POLR2E: variants seen among roughly 807,000 people sequenced by gnomAD.
POLR2E encodes DNA-directed RNA polymerases I, II, and III subunit RPABC1.
POLR2E carries 35 observed loss-of-function variants against 29.8 expected under a neutral mutation model. That is an observed-to-expected ratio of 1.17 (90% CI 0.90 to 1.55). The LOEUF (loss-of-function observed/expected upper bound fraction) is 1.55. Ranked by LOEUF, POLR2E falls within the 40% of genes most tolerant of loss-of-function variation. The pLI, the probability that POLR2E is intolerant of heterozygous loss-of-function variation, is 0.00. For synonymous variants in POLR2E, 174 were observed against 112.6 expected, an observed-to-expected ratio of 1.55 and a Z score of -3.45; for missense variants, 287 against 288.6, an observed-to-expected ratio of 0.99 and a Z score of 0.04.
At position 1,094,074 on chromosome 19, in the gene POLR2E, C is replaced by G. The variant is rs1225175422; in HGVS notation, c.62G>C (p.Cys21Ser). 6.8e-6 allele frequency: 11 copies of G among 1,609,704 alleles called. No individual in the cohort carries two copies. The highest frequency in any genetic ancestry group is 8.5e-6 in the Non-Finnish European group (10 of 1,178,078). Residue 21 changes from cysteine (C) to serine (S), a missense_variant, in exon 2 of 8, where the codon TGC becomes TCC. By Grantham distance (112) the Cys-to-Ser change is moderately radical. Coordinates refer to ENST00000615234, the MANE Select transcript of POLR2E (RefSeq NM_002695.5). The stretch of plus-strand genomic sequence containing the variant: ...GGTCACCAGATAGCCACGGTCGTGG[C>G]ACAGCTGCAGAGAGAAAGAACCAGC... ...WKIRKTIMQL[C>S]HDRGYLVTQD...
chr19:1,089,174 C>CCGCACAACTGCCCTGCAGGTGAA (rs1220566766), intron 7 of POLR2E, among the ~76,000 whole-genome samples: 1 of 152,240 alleles, frequency 6.6e-6, no homozygotes, highest in Non-Finnish European at 1.5e-5. Flanking sequence ...GAAAGTCCCG[C>CCGCACAACTGCCCTGCAGGTGAA]CGCACAACTG....
intron 1 of POLR2E, chr19:1,094,882 G>T (rs933418378): frequency 8.1e-6 from 2 of 245,948 alleles, no homozygotes; most frequent in Non-Finnish European, 1.6e-5. Flanking sequence ...CTCGGATGCT[G>T]AAGACTCCAT....
intron 4 of POLR2E, 63 bp from the exon 5 acceptor site, chr19:1,090,208 G>C: frequency 7.1e-7 from 1 of 1,408,324 alleles, no homozygotes; most frequent in African/African-American, 1.4e-5. Flanking sequence ...TGGCTCCCAG[G>C]TGCCACCACA....
In POLR2E at chr19:1,089,508, A is replaced by G; in HGVS notation, c.611T>C (p.Ile204Thr). 6.2e-7 allele frequency: 1 copy of G among 1,613,504 alleles called. No individual in the cohort carries two copies. Among genetic ancestry groups the G allele is most frequent in the Non-Finnish European group, 8.5e-7 (1 of 1,179,620 alleles). ...TAGCTACTGCACCAGCCGGTAGGTG[A>G]TGTACCTGCCAGCCGTCTCACTGGG... ...IRPSETAGRYITYRLVQ is the reference protein window; with the variant it reads ...IRPSETAGRYTTYRLVQ Residue 204 changes from isoleucine (I) to threonine (T), a missense_variant, in exon 7 of 8, where the codon ATC (isoleucine) becomes ACC (threonine). Ile to Thr is a moderately conservative substitution (Grantham distance 89). Transcript: ENST00000615234.
At chr19:1,089,732 G>A (rs919865328) in intron 6 of POLR2E, 152 bp downstream of exon 6, 3 of 789,236 alleles carry the variant, frequency 3.8e-6, no homozygotes, top group Admixed American at 2.3e-5. Context: ...CAGTGGCCCT[G>A]GCTTTAAGAG....
At position 1,088,586 on chromosome 19, in the gene POLR2E, G is replaced by C. The variant is rs557508792; in HGVS notation, c.*149C>G. 6.6e-6 allele frequency: 1 copy of C among 152,358 alleles called. No homozygotes were observed. The highest frequency in any genetic ancestry group is 6.5e-5 in the Admixed American group (1 of 15,288). The allele number at this position is 152,358 out of a possible 1,614,324, so 9.4% of individuals were successfully genotyped here. A position where few individuals can be genotyped will look rare whatever the true frequency, so the allele number is the denominator to read the frequency against. The stretch of plus-strand genomic sequence containing the variant: ...CAGGAAGCCTCACCCCAGGACGGGA[G>C]AACGTGGGTGGAGGCCACCTGCCTT... On this transcript the variant is annotated 3_prime_UTR_variant, in exon 8 of 8. Coordinates refer to ENST00000615234, the MANE Select transcript of POLR2E (RefSeq NM_002695.5).
chr19:1,089,061 G>A lies in POLR2E; in HGVS notation c.*15-341C>T, dbSNP rs1002088548. Among the ~76,000 whole-genome samples the A allele has an allele frequency of 3.9e-5, 6 of 152,178 alleles. No homozygotes were observed. In the South Asian group the frequency reaches 1.0e-3, roughly 26 times the overall value. Reference sequence around the variant, plus strand: ...GAGGCTGTCCCGCTCCTGAGACTCCGGCCAGTCCCTCCCAAGGTGCCCACT... The same window carrying A: ...GAGGCTGTCCCGCTCCTGAGACTCCAGCCAGTCCCTCCCAAGGTGCCCACT... On this transcript the variant is annotated intron_variant, in intron 7 of 7. Transcript: ENST00000615234.
rs759491281 is a variant in POLR2E at position 1,089,499 on chromosome 19, C to T, written c.620G>A (p.Arg207Gln). The change falls in exon 7 of 8, where the codon CGG becomes CAG. Residue 207 changes from arginine to glutamine, a missense_variant. By Grantham distance (43) the Arg-to-Gln change is conservative (BLOSUM62 1). Transcript: ENST00000615234. ...GTCAGGCGGTAGCTACTGCACCAGC[C>T]GGTAGGTGATGTACCTGCCAGCCGT... Reference protein sequence around the residue: ...SETAGRYITYRLVQ With the variant: ...SETAGRYITYQLVQ The T allele has an allele frequency of 6.8e-6, 11 of 1,613,132 alleles. No homozygotes were observed. The highest frequency in any genetic ancestry group is 2.7e-5 in the African/African-American group (2 of 74,910).
In POLR2E at chr19:1,086,655, G is replaced by A. The variant is rs183036775; in HGVS notation, c.*2080C>T. Reference sequence around the variant, plus strand: ...GTTTTCTGTGGCAGCTGCAAGCTTAGAAGATTTTCTGTGGCAGCTGCAAGC... The same window carrying A: ...GTTTTCTGTGGCAGCTGCAAGCTTAAAAGATTTTCTGTGGCAGCTGCAAGC... On this transcript the variant is annotated 3_prime_UTR_variant, in exon 8 of 8. Transcript: ENST00000615234. 5.3e-5 allele frequency: 8 copies of A among 150,078 alleles called. No individual in the cohort carries two copies. The East Asian group carries it at 9.5e-4, about 18-fold the overall frequency. 9.3% of individuals were successfully genotyped at this position (150,078 alleles called of 1,614,324 possible). A position where few individuals can be genotyped will look rare whatever the true frequency, so the allele number is the denominator to read the frequency against.
At chr19:1,088,822 A>C (rs950279027) in intron 7 of POLR2E, 102 bp from the exon 8 acceptor site, 2 of 152,568 alleles carry the variant, frequency 1.3e-5, no homozygotes, top group Non-Finnish European at 2.9e-5. Context: ...GCCTGGCAGG[A>C]GGCGGCCCAG....
rs2043781608 is a variant in POLR2E, at chr19:1,089,471, CCT to C, written c.*13_*14del. 1 of 1,609,054 alleles carries C rather than the reference CCT, an allele frequency of 6.2e-7. No homozygotes were observed. The highest frequency in any genetic ancestry group is 2.2e-5 in the East Asian group (1 of 44,844). On this transcript the variant is annotated splice_region_variant and 3_prime_UTR_variant, in exon 7 of 8. Coordinates refer to ENST00000615234, the MANE Select transcript of POLR2E (RefSeq NM_002695.5). ...CAGTGCCTGTCCCTCGGCCGTCTCA[CCT>C]GTCAGGCGGTAGCTACTGCACCAGC...
chr19:1,089,986 G>C (rs780038296), intron 5 of POLR2E, 24 bp from the exon 6 acceptor site: 6 of 1,567,896 alleles, frequency 3.8e-6, no homozygotes, highest in African/African-American at 2.8e-5. Context: ...TCAGGAAAAT[G>C]CCAGACAGGG....
In POLR2E at chr19:1,087,436, A is replaced by C. The variant is rs2043721545; in HGVS notation, c.*1299T>G. The C allele has an allele frequency of 6.6e-6, 1 of 152,276 alleles. No individual in the cohort carries two copies. The highest frequency in any genetic ancestry group is 2.4e-5 in the African/African-American group (1 of 41,414). 9.4% of individuals were successfully genotyped at this position (152,276 alleles called of 1,614,324 possible). The stretch of plus-strand genomic sequence containing the variant: ...CCAAAGTGCTGGGATTACAGGCGTG[A>C]GCCACCGCGCCCGGCCACCTCCAGA... On this transcript the variant is annotated 3_prime_UTR_variant, in exon 8 of 8. Transcript: ENST00000615234.
chr19:1,088,109 C>T lies in POLR2E; in HGVS notation c.*626G>A, dbSNP rs191745459. 2.7e-3 allele frequency: 405 copies of T among 152,522 alleles called. 1 individual carries two copies. Among genetic ancestry groups the T allele is most frequent in the African/African-American group, 9.2e-3 (383 of 41,512 alleles). 9.4% of individuals were successfully genotyped at this position (152,522 alleles called of 1,614,324 possible). A position where few individuals can be genotyped will look rare whatever the true frequency, so the allele number is the denominator to read the frequency against. ...GAGGGCACACCTGCCAGGCTGACCT[C>T]GTGTGCTTGGGGTGAGGCAAGGCCA... is the stretch of plus-strand genomic sequence containing the variant. On this transcript the variant is annotated 3_prime_UTR_variant, in exon 8 of 8. Transcript: ENST00000615234.
In POLR2E at chr19:1,089,926, C is replaced by T. The variant is rs775588891; in HGVS notation, c.525G>A (p.Ala175=). 5.6e-6 allele frequency: 9 copies of T among 1,612,994 alleles called. No individual in the cohort carries two copies. Among genetic ancestry groups the T allele is most frequent in the Middle Eastern group, 3.5e-4 (2 of 5,774 alleles). ...CAAAGTAGCGCGCCACAGGGTCCCC[C>T]GCCTGGATCCTGGGCAGCTGGTTCT... The part of the protein sequence containing the change: ...LRENQLPRIQ[A]GDPVARYFGI... Residue 175 remains alanine (A), a synonymous_variant, in exon 6 of 8, where the codon GCG becomes GCA. Coordinates refer to ENST00000615234, the MANE Select transcript of POLR2E (RefSeq NM_002695.5).
At position 1,089,944 on chromosome 19, in the gene POLR2E, C is replaced by T. The variant is rs150847384; in HGVS notation, c.507G>A (p.Gln169=). ...LLARYKLREN[Q]LPRIQAGDPV... is the part of the protein sequence containing the mutation. ...GGTCCCCCGCCTGGATCCTGGGCAGCTGGTTCTCTCGGAGCTTACTGCGAA... is the reference window on the plus strand; with the variant it reads ...GGTCCCCCGCCTGGATCCTGGGCAGTTGGTTCTCTCGGAGCTTACTGCGAA... The change falls in exon 6 of 8, where the codon CAG becomes CAA. Residue 169 remains glutamine (Q), a synonymous_variant. Coordinates refer to ENST00000615234, the MANE Select transcript of POLR2E (RefSeq NM_002695.5). The T allele has an allele frequency of 6.2e-7, 1 of 1,610,322 alleles. No individual in the cohort carries two copies.
chr19:1,091,954 G>T, intron 2 of POLR2E, 47 bp from the exon 3 acceptor site: 1 of 1,363,714 alleles, frequency 7.3e-7, no homozygotes, highest in Non-Finnish European at 1.0e-6. Flanking sequence ...GGCCCTCGTG[G>T]CCCTCGCCCA....
Position 1,091,007 on chromosome 19 carries a change from A to T in POLR2E, c.349-19T>A, listed in dbSNP as rs373307307. Reference sequence around the variant, plus strand: ...CCAGGGACTGGAAGAGAGCGGCTCTAAGGCACGGCCCGGAGGGGCCCAGAC... The same window carrying T: ...CCAGGGACTGGAAGAGAGCGGCTCTTAGGCACGGCCCGGAGGGGCCCAGAC... On this transcript the variant is annotated intron_variant, in intron 3 of 7. Coordinates refer to ENST00000615234, the MANE Select transcript of POLR2E (RefSeq NM_002695.5). 6.2e-7 allele frequency: 1 copy of T among 1,612,058 alleles called. No homozygotes were observed. The highest frequency in any genetic ancestry group is 2.2e-5 in the East Asian group (1 of 44,864).
At chr19:1,090,729 T>C (rs1428875819) in intron 4 of POLR2E, among the ~76,000 whole-genome samples, 179 bp downstream of exon 4, 1 of 151,942 alleles carries the variant, frequency 6.6e-6, no homozygotes, top group African/African-American at 2.4e-5. Flanking sequence ...GGATCTGCAT[T>C]TCTAGGAAGC....
Sources: allele counts gnomAD v4.1 joint callset (sites outside exome capture counted in the v4.1 genomes callset), GRCh38; gene constraint gnomAD v4.1.1; transcripts MANE v1.5; gene names NCBI Gene and HGNC (gene_info 2026-07-23, HGNC 2026-07-21).